The following DPP6 variants were observed in gnomAD, a reference collection of about 807,000 sequenced individuals.
DPP6 encodes A-type potassium channel modulatory protein DPP6.
A neutral mutation model predicts 122.6 loss-of-function variants in DPP6; 69 were observed. That is an observed-to-expected ratio of 0.56 (90% CI 0.46 to 0.69). The LOEUF (loss-of-function observed/expected upper bound fraction) is 0.69, where lower values mean the gene tolerates loss of function less well. DPP6 is among the 30% of genes least tolerant of loss of function. DPP6 has a pLI of 0.00. For missense variants in DPP6, 928 were observed against 1,116.9 expected (o/e 0.83, Z 2.41); for synonymous variants, 418 against 433.1 (o/e 0.97, Z 0.43).
chr7:154,649,621 A>G (rs1836739142), intron 6 of DPP6, among the ~76,000 whole-genome samples: 2 of 152,280 alleles, frequency 1.3e-5, no homozygotes, highest in South Asian at 4.1e-4. Flanking sequence ...GGGGAGAAGC[A>G]TCTGTGCTCA....
chr7:154,629,632 G>A (rs1013633074), intron 5 of DPP6, among the ~76,000 whole-genome samples: 14 of 152,136 alleles, frequency 9.2e-5, no homozygotes, highest in Non-Finnish European at 1.9e-4. Context: ...TCTTTGAATG[G>A]AATTGTAGGA....
chr7:154,138,038 C>T (rs1435267347), intron 1 of DPP6, among the ~76,000 whole-genome samples: 1 of 152,178 alleles, frequency 6.6e-6, no homozygotes, highest in Non-Finnish European at 1.5e-5. Context: ...AAAACATAGA[C>T]CAGTGTTCCT....
chr7:154,196,458 C>T (rs139049528), intron 1 of DPP6, among the ~76,000 whole-genome samples: 6 of 152,318 alleles, frequency 3.9e-5, no homozygotes, highest in African/African-American at 1.4e-4. Flanking sequence ...CCGCTGCACT[C>T]CAGCCTGGGT....
chr7:154,677,613 C>A (rs1838995056), intron 7 of DPP6, among the ~76,000 whole-genome samples: 1 of 152,218 alleles, frequency 6.6e-6, no homozygotes, highest in Non-Finnish European at 1.5e-5. Flanking sequence ...GATGGAGGGC[C>A]TTTGCTTCAC....
chr7:154,290,353 G>C (rs572704997), intron 1 of DPP6, among the ~76,000 whole-genome samples: 2 of 152,016 alleles, frequency 1.3e-5, no homozygotes, highest in Non-Finnish European at 2.9e-5. Flanking sequence ...TCCTAAACTG[G>C]TATCTCGGCC....
At chr7:153,802,485 A>C in the DPP6 span, among the ~76,000 whole-genome samples, 3 of 152,172 alleles carry the variant, frequency 2.0e-5, no homozygotes, top group African/African-American at 7.2e-5. Context: ...GATGATAAAA[A>C]AGAAGAAACA....
At chr7:154,883,116 T>G (rs1339206627) in intron 21 of DPP6, among the ~76,000 whole-genome samples, 1 of 124,130 alleles carries the variant, frequency 8.1e-6, no homozygotes, top group African/African-American at 3.1e-5. Context: ...CTCACATACA[T>G]GTGCTCACAC....
At chr7:153,964,042 C>A (rs7804357) in intron 1 of DPP6, among the ~76,000 whole-genome samples, 8,494 of 152,188 alleles carry the variant, frequency 0.056, 811 homozygotes, top group African/African-American at 0.19. Context: ...GTTGCCCAAC[C>A]TGGATTGCAG....
chr7:154,819,135 C>A (rs1799602244), intron 16 of DPP6, among the ~76,000 whole-genome samples: 1 of 152,276 alleles, frequency 6.6e-6, no homozygotes, highest in Non-Finnish European at 1.5e-5. Context: ...AAATAATGGG[C>A]TGGGCATGGT....
At chr7:153,873,971 A>G in the DPP6 span, among the ~76,000 whole-genome samples, 1 of 152,210 alleles carries the variant, frequency 6.6e-6, no homozygotes, top group Non-Finnish European at 1.5e-5. Flanking sequence ...CCCAAAGGCT[A>G]CACACTAGAA....
intron 1 of DPP6, among the ~76,000 whole-genome samples, chr7:153,928,542 G>C (rs1801029681): frequency 6.6e-6 from 1 of 151,180 alleles, no homozygotes. Flanking sequence ...GCGCCCACGA[G>C]GGCCACTTTT....
At chr7:154,709,577 G>A (rs941332820) in intron 7 of DPP6, among the ~76,000 whole-genome samples, 1 of 111,560 alleles carries the variant, frequency 9.0e-6, no homozygotes, top group African/African-American at 3.0e-5. Context: ...GTAAGACAAC[G>A]ACATTTTTCT....
chr7:153,828,657 G>A, the DPP6 span, among the ~76,000 whole-genome samples: 1 of 152,268 alleles, frequency 6.6e-6, no homozygotes, highest in South Asian at 2.1e-4. Context: ...GTTTGTATGT[G>A]CGTGGGGAAT....
intron 1 of DPP6, among the ~76,000 whole-genome samples, chr7:154,318,085 A>C (rs13240654): frequency 0.11 from 16,396 of 152,306 alleles, 958 homozygotes; most frequent in South Asian, 0.16. Flanking sequence ...TTTTAACAAT[A>C]TACAGAGAAT....
At chr7:154,034,304 C>A (rs1799408373) in intron 1 of DPP6, among the ~76,000 whole-genome samples, 2 of 152,114 alleles carry the variant, frequency 1.3e-5, no homozygotes, top group South Asian at 4.1e-4. Flanking sequence ...TCAGTTGTTC[C>A]AATCCTTTGA....
intron 1 of DPP6, among the ~76,000 whole-genome samples, chr7:153,934,301 G>A (rs902467651): frequency 6.6e-6 from 1 of 152,116 alleles, no homozygotes; most frequent in African/African-American, 2.4e-5. Flanking sequence ...TAGCCTTCGA[G>A]GGAATGTACT....
intron 5 of DPP6, among the ~76,000 whole-genome samples, chr7:154,623,580 C>T (rs1193729413): frequency 7.4e-6 from 1 of 134,234 alleles, no homozygotes; most frequent in Non-Finnish European, 1.6e-5. Flanking sequence ...CACACACGCA[C>T]GCACACGCGC....
the DPP6 span, among the ~76,000 whole-genome samples, chr7:153,859,354 G>T: frequency 1.3e-5 from 2 of 152,158 alleles, no homozygotes; most frequent in Non-Finnish European, 2.9e-5. Context: ...AGCTGGAGTC[G>T]GGAGGCTGGC....
At chr7:154,192,782 A>T (rs1327036513) in intron 1 of DPP6, among the ~76,000 whole-genome samples, 1 of 152,208 alleles carries the variant, frequency 6.6e-6, no homozygotes, top group Non-Finnish European at 1.5e-5. Context: ...GCAAACAGGA[A>T]TTATTTTACT....
Sources: allele counts gnomAD v4.1 joint callset (sites outside exome capture counted in the v4.1 genomes callset), GRCh38; gene constraint gnomAD v4.1.1; transcripts MANE v1.5; gene names NCBI Gene and HGNC (gene_info 2026-07-23, HGNC 2026-07-21).